Variants in MTSS1 observed in about 807,000 individuals in gnomAD.
MTSS1 encodes the protein protein MTSS 1.
A neutral mutation model predicts 79.0 loss-of-function variants in MTSS1; 18 were observed. That is an observed-to-expected ratio of 0.23 (90% CI 0.16 to 0.34). The LOEUF (loss-of-function observed/expected upper bound fraction) is 0.34. Among genes scored for constraint, MTSS1 ranks in the 10% least tolerant of loss-of-function variants. The pLI, the probability that MTSS1 is intolerant of heterozygous loss-of-function variation, is 1.00. For synonymous variants in MTSS1, 341 were observed against 368.6 expected (o/e 0.93, Z 0.86); for missense variants, 815 against 986.2 (o/e 0.83, Z 2.33).
At chr8:124,659,203 T>C (rs1213774234) in intron 3 of MTSS1, among the ~76,000 whole-genome samples, 1 of 152,184 alleles carries the variant, frequency 6.6e-6, no homozygotes. Context: ...AAAAAGTGCA[T>C]TATTAAAGTA....
Position 124,629,608 on chromosome 8 carries a change from C to A in MTSS1, c.209-38373G>T, listed in dbSNP as rs537130323. ...AACTCTGAAGCCCGAGATCTGACCT[C>A]TCCCTAAAACAGACCTGAAACACGA... On this transcript the variant is annotated intron_variant, in intron 3 of 13. Transcript: ENST00000518547. Among the ~76,000 whole-genome samples, 6 of 152,126 alleles carry A rather than the reference C, an allele frequency of 3.9e-5. No homozygotes were observed. In the East Asian group the frequency reaches 9.6e-4, roughly 24 times the overall value.
At position 124,568,370 on chromosome 8, in the gene MTSS1, T is replaced by G. The variant is rs752146180; in HGVS notation, c.618+9A>C. On this transcript the variant is annotated intron_variant, in intron 7 of 13. Coordinates refer to ENST00000518547, the MANE Select transcript of MTSS1 (RefSeq NM_014751.6). ...AGTTTAAACCTTCTGGAGTTTTCCA[T>G]TAACTTACAATCACTGGCCGCAGCA... The G allele has an allele frequency of 3.1e-6, 5 of 1,609,858 alleles. No individual in the cohort carries two copies. In the African/African-American group the frequency reaches 5.4e-5, roughly 17 times the overall value.
At chr8:124,604,252 AC>A (rs1255608596) in intron 3 of MTSS1, among the ~76,000 whole-genome samples, 1 of 152,028 alleles carries the variant, frequency 6.6e-6, no homozygotes, top group African/African-American at 2.4e-5. Context: ...GCAAAAAAAA[AC>A]CGTTTCAAGA....
At chr8:124,604,816 T>C (rs138225358) in intron 3 of MTSS1, among the ~76,000 whole-genome samples, 60 of 150,668 alleles carry the variant, frequency 4.0e-4, no homozygotes, top group Non-Finnish European at 7.8e-4. Flanking sequence ...CTCCCACTTC[T>C]CAGTCTCTCC....
chr8:124,631,861 G>A (rs111883797), intron 3 of MTSS1, among the ~76,000 whole-genome samples: 4,260 of 152,266 alleles, frequency 0.028, 172 homozygotes, highest in African/African-American at 0.097. Context: ...CCCACTGCCT[G>A]TCCACCCACT....
In MTSS1 at chr8:124,556,355, C is replaced by T; in HGVS notation, c.1281G>A (p.Gln427=). The stretch of plus-strand genomic sequence containing the variant: ...CCGGTTCTCGCTTCTCTTTGCGGCG[C>T]TGCAGGGTGTTCACCAGAGGCTGGT... The part of the protein sequence containing the change: ...PYDQPLVNTL[Q]RRKEKREPDP... The change falls in exon 12 of 14, where the codon CAG becomes CAA. Residue 427 remains glutamine, a synonymous_variant. Transcript: ENST00000518547. The T allele has an allele frequency of 6.2e-7, 1 of 1,614,158 alleles. No homozygotes were observed. The highest frequency in any genetic ancestry group is 8.5e-7 in the Non-Finnish European group (1 of 1,180,002).
intron 3 of MTSS1, among the ~76,000 whole-genome samples, chr8:124,671,061 T>G (rs958833206): frequency 4.6e-5 from 7 of 151,320 alleles, no homozygotes; most frequent in African/African-American, 1.7e-4. Flanking sequence ...CTTTTTTTCC[T>G]GAAAAGCCTT....
intron 3 of MTSS1, among the ~76,000 whole-genome samples, chr8:124,631,459 T>C (rs373970352): frequency 2.0e-5 from 3 of 152,236 alleles, no homozygotes; most frequent in African/African-American, 7.2e-5. Context: ...GACCCTGTCC[T>C]GGCCCGCAGG....
chr8:124,674,495 A>T (rs1047125421), intron 3 of MTSS1, among the ~76,000 whole-genome samples: 2 of 152,000 alleles, frequency 1.3e-5, no homozygotes, highest in Non-Finnish European at 2.9e-5. Flanking sequence ...ATAGGCACAC[A>T]TCACCATACC....
intron 1 of MTSS1, among the ~76,000 whole-genome samples, chr8:124,718,171 G>A (rs1832377105): frequency 6.6e-6 from 1 of 151,264 alleles, no homozygotes; most frequent in Non-Finnish European, 1.5e-5. Flanking sequence ...CTTAACTGAA[G>A]TTTCTAGTTT....
Position 124,628,305 on chromosome 8 carries a change from G to A in MTSS1, c.209-37070C>T, listed in dbSNP as rs183227452. Among the ~76,000 whole-genome samples, 48 of 152,232 alleles carry A rather than the reference G, an allele frequency of 3.2e-4. No individual in the cohort carries two copies. The East Asian group carries it at 7.3e-3, about 23-fold the overall frequency. ...GAGTCTGAGCTCCAAGACATCAGCCGCGTCAGTCTTATCATCCGACTCCCA... is the reference window on the plus strand; with the variant it reads ...GAGTCTGAGCTCCAAGACATCAGCCACGTCAGTCTTATCATCCGACTCCCA... On this transcript the variant is annotated intron_variant, in intron 3 of 13. Transcript: ENST00000518547.
intron 1 of MTSS1, among the ~76,000 whole-genome samples, chr8:124,707,146 A>G (rs1227569066): frequency 6.6e-6 from 1 of 152,176 alleles, no homozygotes; most frequent in Admixed American, 6.5e-5. Context: ...TCTCTCGGCT[A>G]CACAAGGAAG....
intron 3 of MTSS1, among the ~76,000 whole-genome samples, chr8:124,651,513 G>A (rs1819968077): frequency 6.6e-6 from 1 of 151,908 alleles, no homozygotes; most frequent in African/African-American, 2.4e-5. Flanking sequence ...GTTACATTCA[G>A]AACCATTTCC....
intron 6 of MTSS1, among the ~76,000 whole-genome samples, chr8:124,581,287 CAAAAAAAA>C (rs10616707): frequency 2.0e-5 from 2 of 100,924 alleles, no homozygotes; most frequent in African/African-American, 7.0e-5. Context: ...GATGCTGACT[CAAAAAAAA>C]AAAAAAAAAA....
chr8:124,696,177 AG>A (rs1374366624), intron 3 of MTSS1, among the ~76,000 whole-genome samples: 2 of 151,996 alleles, frequency 1.3e-5, no homozygotes, highest in Non-Finnish European at 2.9e-5. Context: ...TAGTAGAGAC[AG>A]GATTTCAACA....
chr8:124,568,063 G>A lies in MTSS1; in HGVS notation c.618+316C>T, dbSNP rs182387431. On this transcript the variant is annotated intron_variant, in intron 7 of 13. Transcript: ENST00000518547. ...GGTTTGGACTTGGTGGGTCTGGGTT[G>A]GGCCCAAGAACTTGCATTTCTAGCC... 1.4e-4 allele frequency: 135 copies of A among 954,042 alleles called. No individual in the cohort carries two copies. The East Asian group carries it at 3.3e-3, about 23-fold the overall frequency. The allele number at this position is 954,042 out of a possible 1,614,324, so 59.1% of individuals were successfully genotyped here.
intron 3 of MTSS1, among the ~76,000 whole-genome samples, chr8:124,688,032 G>A (rs1391843778): frequency 1.3e-5 from 2 of 152,138 alleles, no homozygotes; most frequent in African/African-American, 2.4e-5. Context: ...CATGGTAACC[G>A]AGGTCCCTGG....
chr8:124,658,701 A>G (rs1821440018), intron 3 of MTSS1, among the ~76,000 whole-genome samples: 1 of 152,146 alleles, frequency 6.6e-6, no homozygotes, highest in African/African-American at 2.4e-5. Context: ...ACACTTCTAA[A>G]CAACCAGAGC....
In MTSS1 at chr8:124,562,801, G is replaced by A. The variant is rs759302505; in HGVS notation, c.1016C>T (p.Pro339Leu). ...AFQSKSPSPM[P>L]PEAPNQLSNG... ...CCTTACCTGGTTGGGGGCCTCTGGC[G>A]GCATGGGGGATGGTGACTTGGACTG... The change falls in exon 10 of 14, where the codon CCG becomes CTG. Residue 339 changes from proline to leucine, a missense_variant. Coordinates refer to ENST00000518547, the MANE Select transcript of MTSS1 (RefSeq NM_014751.6). 1.1e-5 allele frequency: 18 copies of A among 1,613,976 alleles called. No individual in the cohort carries two copies. In the Admixed American group the frequency reaches 1.3e-4, roughly 12 times the overall value.
Sources: allele counts gnomAD v4.1 joint callset (sites outside exome capture counted in the v4.1 genomes callset), GRCh38; gene constraint gnomAD v4.1.1; transcripts MANE v1.5; gene names NCBI Gene and HGNC (gene_info 2026-07-23, HGNC 2026-07-21).